Variants in GABRG1 observed in about 807,000 individuals in gnomAD.
GABRG1 encodes the protein gamma-aminobutyric acid type A receptor subunit gamma1.
GABRG1 carries 49 observed loss-of-function variants against 49.8 expected under a neutral mutation model. That is an observed-to-expected ratio of 0.98 (90% confidence interval 0.78 to 1.25). The LOEUF (loss-of-function observed/expected upper bound fraction) is 1.25. Among genes scored for constraint, GABRG1 ranks in the 50% most tolerant of loss-of-function variants. The pLI is 0.00. For synonymous variants in GABRG1, 232 were observed against 185.1 expected (o/e 1.25, Z -2.06); for missense variants, 552 against 552.3 (o/e 1.00, Z 0.01).
In GABRG1 at chr4:46,038,890, C is replaced by T. The variant is rs1231161093; in HGVS notation, c.*2098G>A. The T allele has an allele frequency of 3.3e-5, 5 of 151,520 alleles. No individual in the cohort carries two copies. The highest frequency in any genetic ancestry group is 2.6e-4 in the Admixed American group (4 of 15,166). The allele number at this position is 151,520 out of a possible 1,614,324, so 9.4% of individuals were successfully genotyped here. On this transcript the variant is annotated 3_prime_UTR_variant, in exon 9 of 9. Transcript: ENST00000295452. Reference sequence around the variant, plus strand: ...CATTTAAAACCAAGTTAATGAAACACCAGTGAGAAAATCAAAGCTATTTTT... The same window carrying T: ...CATTTAAAACCAAGTTAATGAAACATCAGTGAGAAAATCAAAGCTATTTTT...
intron 3 of GABRG1, among the ~76,000 whole-genome samples, chr4:46,081,309 G>A (rs1719558567): frequency 6.6e-6 from 1 of 151,728 alleles, no homozygotes; most frequent in South Asian, 2.1e-4. Flanking sequence ...CTAACTTCTA[G>A]GTCAGTCTAT....
At position 46,051,404 on chromosome 4, in the gene GABRG1, A is replaced by C. The variant is rs367899987; in HGVS notation, c.1131+20T>G. 3.2e-6 allele frequency: 5 copies of C among 1,545,982 alleles called. No homozygotes were observed. Among genetic ancestry groups the C allele is most frequent in the Non-Finnish European group, 4.4e-6 (5 of 1,141,920 alleles). ...AGTAAGTTGAGGTTTATAAAATAGA[A>C]ATTTTTCTTTTTAACATACCGAGGC... On this transcript the variant is annotated intron_variant, in intron 8 of 8. Coordinates refer to ENST00000295452, the MANE Select transcript of GABRG1 (RefSeq NM_173536.4).
intron 3 of GABRG1, among the ~76,000 whole-genome samples, chr4:46,073,320 G>A (rs934947194): frequency 3.3e-5 from 5 of 151,922 alleles, no homozygotes; most frequent in African/African-American, 9.6e-5. Context: ...ATACAAGGAA[G>A]CCTTTCCAAG....
intron 1 of GABRG1, among the ~76,000 whole-genome samples, chr4:46,112,768 G>A (rs1304822485): frequency 6.6e-6 from 1 of 150,972 alleles, no homozygotes; most frequent in Non-Finnish European, 1.5e-5. Context: ...AAAGGCAATG[G>A]GGACTATTAG....
At chr4:46,065,979 C>T (rs905702809) in intron 3 of GABRG1, among the ~76,000 whole-genome samples, 9 of 152,156 alleles carry the variant, frequency 5.9e-5, no homozygotes, top group Non-Finnish European at 1.2e-4. Context: ...GGCTCATCCT[C>T]CCAAAGTGCT....
At chr4:46,048,494 T>C (rs548158694) in intron 8 of GABRG1, among the ~76,000 whole-genome samples, 2 of 148,704 alleles carry the variant, frequency 1.3e-5, no homozygotes, top group East Asian at 4.1e-4. Flanking sequence ...CATATGGCCA[T>C]TGTCACAACT....
intron 7 of GABRG1, 135 bp downstream of exon 7, chr4:46,058,082 C>T (rs1181738804): frequency 1.8e-5 from 12 of 681,972 alleles, no homozygotes; most frequent in Admixed American, 3.2e-5. Context: ...TGGTATTGTC[C>T]CTTAGTTCCT....
At chr4:46,092,121 C>G (rs1314036396) in intron 2 of GABRG1, among the ~76,000 whole-genome samples, 1 of 151,842 alleles carries the variant, frequency 6.6e-6, no homozygotes, top group Non-Finnish European at 1.5e-5. Context: ...AACTGAAATA[C>G]TCCATTTCGA....
intron 7 of GABRG1, among the ~76,000 whole-genome samples, chr4:46,056,123 G>GAAAAAAAAAAAAAAA (rs1718417136): frequency 2.3e-4 from 1 of 4,272 alleles, no homozygotes; most frequent in East Asian, 4.1e-3. Context: ...AAAAAAGAAA[G>GAAAAAAAAAAAAAAA]GAAAAAAAAA....
At chr4:46,063,407 A>C (rs552307760) in intron 5 of GABRG1, among the ~76,000 whole-genome samples, 1 of 152,278 alleles carries the variant, frequency 6.6e-6, no homozygotes, top group African/African-American at 2.4e-5. Flanking sequence ...TGAGAAAAAC[A>C]AGCAATGGGG....
chr4:46,080,401 C>A (rs888640653), intron 3 of GABRG1, among the ~76,000 whole-genome samples: 2 of 151,822 alleles, frequency 1.3e-5, no homozygotes, highest in Non-Finnish European at 2.9e-5. Flanking sequence ...TAACCTATTT[C>A]TTATTCATCC....
chr4:46,081,058 C>T (rs1307976364), intron 3 of GABRG1, among the ~76,000 whole-genome samples: 1 of 151,742 alleles, frequency 6.6e-6, no homozygotes, highest in African/African-American at 2.4e-5. Context: ...TTTCTCTTCC[C>T]TTGGTTTCCA....
rs781246399 is a variant in GABRG1, at chr4:46,097,218, A to C, written c.236T>G (p.Leu79Arg). The change falls in exon 2 of 9, where the codon CTT (leucine) becomes CGT (arginine). Residue 79 changes from leucine to arginine, a missense_variant. Coordinates refer to ENST00000295452, the MANE Select transcript of GABRG1 (RefSeq NM_173536.4). ...NSLLQGYDNK[L>R]RPDIGVRPTV... ...AAGCTTACCTCCTATATCTGGACGA[A>C]GTTTATTGTCATAGCCTTGAAGCAA... is the stretch of plus-strand genomic sequence containing the variant. 6.2e-7 allele frequency: 1 copy of C among 1,608,180 alleles called. No homozygotes were observed. Among genetic ancestry groups the C allele is most frequent in the South Asian group, 1.1e-5 (1 of 90,424 alleles).
At chr4:46,079,070 T>C (rs551697311) in intron 3 of GABRG1, among the ~76,000 whole-genome samples, 158 of 108,788 alleles carry the variant, frequency 1.5e-3, no homozygotes, top group African/African-American at 5.3e-3. Flanking sequence ...TTAAAAAGTT[T>C]TGTTTTTTTT....
intron 1 of GABRG1, among the ~76,000 whole-genome samples, chr4:46,122,941 C>T (rs1022293436): frequency 5.3e-5 from 8 of 151,968 alleles, no homozygotes; most frequent in African/African-American, 1.7e-4. Context: ...ACTACTCCTA[C>T]GTATAATCGA....
rs187361647 is a variant in GABRG1 at position 46,040,587 on chromosome 4, A to C, written c.*401T>G. The C allele has an allele frequency of 3.6e-3, 553 of 153,206 alleles. 8 individuals are homozygous for C. Among genetic ancestry groups the C allele is most frequent in the Non-Finnish European group, 6.5e-3 (446 of 68,446 alleles). 9.5% of individuals were successfully genotyped at this position (153,206 alleles called of 1,614,324 possible). A position where few individuals can be genotyped will look rare whatever the true frequency, so the allele number is the denominator to read the frequency against. On this transcript the variant is annotated 3_prime_UTR_variant, in exon 9 of 9. Coordinates refer to ENST00000295452, the MANE Select transcript of GABRG1 (RefSeq NM_173536.4). ...AAATTAACAGTCTTTTTTCTGGCAC[A>C]AAAGTTGCTACATAAATATTAGTAA...
chr4:46,071,546 T>C (rs1038417601), intron 3 of GABRG1, among the ~76,000 whole-genome samples: 3 of 151,438 alleles, frequency 2.0e-5, no homozygotes, highest in Admixed American at 6.6e-5. Context: ...AGGCAAGTCC[T>C]TCAGTAGGTA....
intron 5 of GABRG1, among the ~76,000 whole-genome samples, chr4:46,063,249 C>A (rs78264722): frequency 6.6e-6 from 1 of 151,796 alleles, no homozygotes; most frequent in Non-Finnish European, 1.5e-5. Context: ...GGAGGCATCA[C>A]GCTACCTGAC....
intron 2 of GABRG1, among the ~76,000 whole-genome samples, chr4:46,093,069 TAA>T (rs10627690): frequency 9.8e-5 from 12 of 122,230 alleles, no homozygotes; most frequent in African/African-American, 9.3e-5. Flanking sequence ...AACTCCATCT[TAA>T]AAAAAAAAAA....
Sources: gnomAD v4.1 joint callset for allele counts (sites outside exome capture counted in the v4.1 genomes callset) on GRCh38, gnomAD v4.1.1 for gene constraint, MANE v1.5 for transcripts, NCBI Gene and HGNC (gene_info 2026-07-23, HGNC 2026-07-21) for gene names.